The following EYS variants were observed in gnomAD, a reference collection of about 807,000 sequenced individuals.
EYS encodes the protein EGF-like photoreceptor maintenance factor, also known as protein eyes shut homolog.
EYS carries 250 observed loss-of-function variants against 282.1 expected under a neutral mutation model. The ratio of observed to expected loss-of-function variants is 0.89; its 90% CI spans 0.80 to 0.98. The LOEUF is 0.98. Ranked by LOEUF, EYS falls within the 50% of genes least tolerant of loss-of-function variation. EYS has a pLI of 0.00. For synonymous variants in EYS, 1,355 were observed against 1,282.9 expected, an observed-to-expected ratio of 1.06 and a Z score of -1.20; for missense variants, 4,016 against 3,709.0, an observed-to-expected ratio of 1.08 and a Z score of -2.15.
chr6:64,139,698 C>T (rs544362135), intron 31 of EYS, among the ~76,000 whole-genome samples: 55 of 151,968 alleles, frequency 3.6e-4, no homozygotes, highest in African/African-American at 1.2e-3. Context: ...AGGCTGGGCA[C>T]GGTGGCTCAC....
intron 12 of EYS, among the ~76,000 whole-genome samples, chr6:65,127,935 A>C (rs1278460285): frequency 6.6e-6 from 1 of 152,080 alleles, no homozygotes; most frequent in African/African-American, 2.4e-5. Flanking sequence ...TCTTCCTATA[A>C]GCAAAAACAC....
In EYS at chr6:64,654,524, T is replaced by C. The variant is rs73768216; in HGVS notation, c.3444-28279A>G. On this transcript the variant is annotated intron_variant, in intron 22 of 42. Coordinates refer to ENST00000503581, the MANE Select transcript of EYS (RefSeq NM_001142800.2). ...GAGGAAGTGATTTGCAAGGTGAAGT[T>C]TTCCGATTTGGCAGGATAAGTAGGA... Among the ~76,000 whole-genome samples the C allele has an allele frequency of 9.2e-3, 1,396 of 152,268 alleles. 25 individuals are homozygous for C. Among genetic ancestry groups the C allele is most frequent in the African/African-American group, 0.032 (1,324 of 41,552 alleles).
chr6:64,491,778 T>C (rs575405758), intron 26 of EYS, among the ~76,000 whole-genome samples: 1 of 151,186 alleles, frequency 6.6e-6, no homozygotes, highest in South Asian at 2.1e-4. Flanking sequence ...TAAGCTATGT[T>C]ATAAAGGTGA....
At chr6:64,077,172 G>A (rs991000428) in intron 32 of EYS, among the ~76,000 whole-genome samples, 2 of 151,992 alleles carry the variant, frequency 1.3e-5, no homozygotes, top group African/African-American at 4.8e-5. Flanking sequence ...ACCCATTAAG[G>A]AGGGATGAAG....
chr6:65,025,611 G>T (rs1285714830), intron 13 of EYS, among the ~76,000 whole-genome samples: 4 of 152,164 alleles, frequency 2.6e-5, no homozygotes, highest in Non-Finnish European at 1.5e-5. Context: ...CTGCGCAAGA[G>T]GCTGAGGCAC....
At chr6:65,246,367 T>C (rs1222364658) in intron 12 of EYS, among the ~76,000 whole-genome samples, 1 of 152,116 alleles carries the variant, frequency 6.6e-6, no homozygotes, top group African/African-American at 2.4e-5. Context: ...TGAATGCAAA[T>C]AAAAGTTTGT....
chr6:64,522,924 A>C (rs1777802086), intron 26 of EYS, among the ~76,000 whole-genome samples: 1 of 151,826 alleles, frequency 6.6e-6, no homozygotes, highest in Non-Finnish European at 1.5e-5. Context: ...GATCAAAAGA[A>C]TATCTGGATG....
intron 19 of EYS, among the ~76,000 whole-genome samples, chr6:64,857,285 C>G (rs188684107): frequency 1.1e-4 from 17 of 152,276 alleles, no homozygotes; most frequent in African/African-American, 4.1e-4. Context: ...ATCCCTCTCT[C>G]CTTTTGCCCA....
At chr6:64,757,744 T>TTGTG (rs66825340) in intron 22 of EYS, among the ~76,000 whole-genome samples, 12,071 of 139,634 alleles carry the variant, frequency 0.086, 542 homozygotes, top group East Asian at 0.22. Flanking sequence ...CTTTTTTTCT[T>TTGTG]TGTGTGTGTG....
At chr6:64,632,226 A>T (rs935468449) in intron 22 of EYS, among the ~76,000 whole-genome samples, 3 of 152,108 alleles carry the variant, frequency 2.0e-5, no homozygotes, top group African/African-American at 7.2e-5. Context: ...TTTCAGAATC[A>T]CCACAGTTCT....
chr6:65,267,967 C>CCA (rs370093622), intron 12 of EYS, among the ~76,000 whole-genome samples: 17 of 149,686 alleles, frequency 1.1e-4, no homozygotes, highest in East Asian at 7.8e-4. Flanking sequence ...ACACACACAC[C>CCA]CACACACACA....
intron 36 of EYS, among the ~76,000 whole-genome samples, chr6:63,833,590 C>T (rs2149692999): frequency 6.6e-6 from 1 of 152,332 alleles, no homozygotes; most frequent in Admixed American, 6.5e-5. Context: ...CCATTCCATG[C>T]TCATGGATAG....
chr6:64,858,820 A>G (rs1002660104), intron 19 of EYS, among the ~76,000 whole-genome samples: 7 of 152,310 alleles, frequency 4.6e-5, no homozygotes, highest in African/African-American at 1.4e-4. Context: ...AAGATTAAGC[A>G]TAAAGGGAAT....
intron 26 of EYS, among the ~76,000 whole-genome samples, chr6:64,503,224 G>C (rs964319554): frequency 6.6e-6 from 1 of 152,052 alleles, no homozygotes; most frequent in Non-Finnish European, 1.5e-5. Context: ...GAAACATTTG[G>C]CAGTTAAATT....
At chr6:64,560,700 CA>C (rs1489469700) in intron 26 of EYS, among the ~76,000 whole-genome samples, 1 of 151,836 alleles carries the variant, frequency 6.6e-6, no homozygotes, top group African/African-American at 2.4e-5. Context: ...AAATTTTCCT[CA>C]AAAAAATTTA....
intron 31 of EYS, among the ~76,000 whole-genome samples, chr6:64,162,101 G>A (rs1775124995): frequency 6.6e-6 from 1 of 152,082 alleles, no homozygotes. Flanking sequence ...GAGAAAGAAA[G>A]TGTGCTTTTC....
chr6:64,675,430 T>TTTC (rs1769620380), intron 22 of EYS, among the ~76,000 whole-genome samples: 1 of 138,900 alleles, frequency 7.2e-6, no homozygotes, highest in Non-Finnish European at 1.6e-5. Context: ...TTTTTTTTCT[T>TTTC]TTTTTTTTTT....
intron 1 of EYS, among the ~76,000 whole-genome samples, chr6:65,680,829 A>G (rs191367830): frequency 4.2e-4 from 64 of 152,102 alleles, no homozygotes; most frequent in African/African-American, 1.5e-3. Context: ...ATTCAATTCA[A>G]TTCAATTCTC....
chr6:63,771,109 CAG>C (rs1420112819), intron 40 of EYS, among the ~76,000 whole-genome samples: 2 of 152,100 alleles, frequency 1.3e-5, no homozygotes, highest in African/African-American at 4.8e-5. Context: ...CAGTTGCACT[CAG>C]AATTCCTATT....
Sources: allele counts gnomAD v4.1 joint callset (sites outside exome capture counted in the v4.1 genomes callset), GRCh38; gene constraint gnomAD v4.1.1; transcripts MANE v1.5; gene names NCBI Gene and HGNC (gene_info 2026-07-23, HGNC 2026-07-21).